The following EXOC6B variants were observed in gnomAD, a reference collection of about 807,000 sequenced individuals.
EXOC6B encodes SEC15 homolog B.
EXOC6B carries 54 observed loss-of-function variants against 113.5 expected under a neutral mutation model. The ratio of observed to expected loss-of-function variants is 0.48; its 90% confidence interval spans 0.38 to 0.60. The LOEUF is 0.60. EXOC6B is among the 20% of genes least tolerant of loss of function. EXOC6B has a pLI of 0.00. For missense variants in EXOC6B, 797 were observed against 977.5 expected (o/e 0.82, Z 2.46); for synonymous variants, 357 against 339.0 (o/e 1.05, Z -0.58).
In EXOC6B at chr2:72,575,645, A is replaced by T. The variant is rs1704795199; in HGVS notation, c.693T>A (p.Asp231Glu). The T allele has an allele frequency of 1.2e-6, 2 of 1,600,678 alleles. No individual in the cohort carries two copies. Among genetic ancestry groups the T allele is most frequent in the Non-Finnish European group, 1.7e-6 (2 of 1,174,804 alleles). ...MKQAQQQRNLDNIVLQQPRIG... is the reference protein window; with the variant it reads ...MKQAQQQRNLENIVLQQPRIG... The stretch of plus-strand genomic sequence containing the variant: ...TTCTGGGTTGTTGCAAGACGATGTT[A>T]TCCAGGTTTCTTTGCTGCTGGGCCT... The change falls in exon 7 of 22, where the codon GAT becomes GAA. Residue 231 changes from aspartate (D) to glutamate (E), a missense_variant. Physicochemically the swap from Asp to Glu is conservative, Grantham distance 45. Transcript: ENST00000272427.
intron 18 of EXOC6B, among the ~76,000 whole-genome samples, chr2:72,425,851 C>T (rs1310203494): frequency 6.6e-6 from 1 of 152,086 alleles, no homozygotes; most frequent in Non-Finnish European, 1.5e-5. Context: ...TTCTTCAATA[C>T]TCTACAGATA....
intron 12 of EXOC6B, among the ~76,000 whole-genome samples, chr2:72,498,807 G>A (rs1199993805): frequency 6.6e-6 from 1 of 151,918 alleles, no homozygotes; most frequent in East Asian, 1.9e-4. Flanking sequence ...TATATATAAA[G>A]GGTATACTAT....
intron 20 of EXOC6B, among the ~76,000 whole-genome samples, chr2:72,224,293 A>C (rs1399464681): frequency 1.3e-5 from 2 of 152,192 alleles, no homozygotes; most frequent in Non-Finnish European, 2.9e-5. Flanking sequence ...CACGATGACA[A>C]ATCATTTTGA....
intron 20 of EXOC6B, among the ~76,000 whole-genome samples, chr2:72,259,940 T>C (rs1320783910): frequency 6.6e-6 from 1 of 152,126 alleles, no homozygotes; most frequent in East Asian, 1.9e-4. Flanking sequence ...TAGTCCCAGC[T>C]ACTCAGGAGG....
intron 19 of EXOC6B, among the ~76,000 whole-genome samples, chr2:72,342,958 T>TA (rs1460230183): frequency 6.6e-6 from 1 of 152,164 alleles, no homozygotes; most frequent in African/African-American, 2.4e-5. Context: ...ATATTCACAT[T>TA]AGCCATGAAA....
intron 1 of EXOC6B, among the ~76,000 whole-genome samples, chr2:72,745,046 C>G (rs974590266): frequency 6.6e-6 from 1 of 152,190 alleles, no homozygotes; most frequent in Non-Finnish European, 1.5e-5. Context: ...TTACAATTCT[C>G]TTAAAAGTAC....
At chr2:72,599,837 A>T (rs1314247283) in intron 6 of EXOC6B, among the ~76,000 whole-genome samples, 1 of 152,136 alleles carries the variant, frequency 6.6e-6, no homozygotes, top group Admixed American at 6.5e-5. Context: ...AAATCTAAAA[A>T]ATTTGTACAA....
At chr2:72,183,050 C>T in intron 21 of EXOC6B, 1 of 431,594 alleles carries the variant, frequency 2.3e-6, no homozygotes, top group Non-Finnish European at 3.9e-6. Context: ...CATGCTCTTG[C>T]CTACCCTTCA....
At chr2:72,199,743 C>T (rs942935679) in intron 20 of EXOC6B, among the ~76,000 whole-genome samples, 10 of 152,078 alleles carry the variant, frequency 6.6e-5, no homozygotes, top group Non-Finnish European at 8.8e-5. Context: ...CAATTTTTGC[C>T]CGAATTCTGC....
chr2:72,289,699 T>G (rs1685667215), intron 20 of EXOC6B, among the ~76,000 whole-genome samples: 1 of 152,226 alleles, frequency 6.6e-6, no homozygotes, highest in Non-Finnish European at 1.5e-5. Context: ...TGAGGGTATT[T>G]CTAGATGAGA....
intron 18 of EXOC6B, among the ~76,000 whole-genome samples, chr2:72,425,543 A>T (rs1695154995): frequency 6.6e-6 from 1 of 152,174 alleles, no homozygotes; most frequent in African/African-American, 2.4e-5. Context: ...CAATCAGCAT[A>T]TTAATATGAC....
chr2:72,233,635 A>C (rs1681772208), intron 20 of EXOC6B, among the ~76,000 whole-genome samples: 1 of 152,210 alleles, frequency 6.6e-6, no homozygotes, highest in South Asian at 2.1e-4. Flanking sequence ...TACAAGCCTT[A>C]GGTCCTAGAG....
chr2:72,784,049 T>A (rs1206407339), intron 1 of EXOC6B, among the ~76,000 whole-genome samples: 1 of 152,214 alleles, frequency 6.6e-6, no homozygotes, highest in Non-Finnish European at 1.5e-5. Flanking sequence ...TCCAGTTTCA[T>A]TCTTCTGCAC....
chr2:72,596,928 C>A (rs1461425258), intron 6 of EXOC6B, among the ~76,000 whole-genome samples: 1 of 151,340 alleles, frequency 6.6e-6, no homozygotes, highest in Non-Finnish European at 1.5e-5. Flanking sequence ...TATTAAAATC[C>A]TATTTATCTC....
chr2:72,348,755 C>CTG (rs1461988834), intron 19 of EXOC6B, among the ~76,000 whole-genome samples: 1 of 152,018 alleles, frequency 6.6e-6, no homozygotes, highest in Non-Finnish European at 1.5e-5. Flanking sequence ...AAAATAAATG[C>CTG]TGATCGTTAA....
At chr2:72,401,559 A>G (rs182198930) in intron 18 of EXOC6B, among the ~76,000 whole-genome samples, 2 of 35,470 alleles carry the variant, frequency 5.6e-5, no homozygotes, top group Non-Finnish European at 8.5e-5. Flanking sequence ...ATATATATAT[A>G]TATATACATA....
rs564611813 is a variant in EXOC6B at position 72,341,217 on chromosome 2, T to C, written c.2123-6197A>G. On this transcript the variant is annotated intron_variant, in intron 19 of 21. Transcript: ENST00000272427. ...CAACTTCGAGAAAGACAGGGGGCTGTAGGACATTGTGCCTATAATGAACAA... is the reference window on the plus strand; with the variant it reads ...CAACTTCGAGAAAGACAGGGGGCTGCAGGACATTGTGCCTATAATGAACAA... Among the ~76,000 whole-genome samples the C allele has an allele frequency of 3.9e-5, 6 of 152,314 alleles. No homozygotes were observed. In the South Asian group the frequency reaches 1.0e-3, roughly 26 times the overall value.
intron 1 of EXOC6B, among the ~76,000 whole-genome samples, chr2:72,793,697 A>G (rs921511358): frequency 7.9e-5 from 12 of 152,220 alleles, no homozygotes; most frequent in Non-Finnish European, 1.8e-4. Context: ...AGCGAGGTAC[A>G]TAGGTGTAAG....
intron 6 of EXOC6B, among the ~76,000 whole-genome samples, chr2:72,581,214 A>G (rs192940368): frequency 1.4e-3 from 213 of 152,344 alleles, no homozygotes; most frequent in African/African-American, 4.9e-3. Flanking sequence ...AATTAACTGT[A>G]AAAAAGCTGT....
Sources: gnomAD v4.1 joint callset for allele counts (sites outside exome capture counted in the v4.1 genomes callset) on GRCh38, gnomAD v4.1.1 for gene constraint, MANE v1.5 for transcripts, NCBI Gene and HGNC (gene_info 2026-07-23, HGNC 2026-07-21) for gene names.